The following PARD3B variants were observed in gnomAD, a reference collection of about 807,000 sequenced individuals.
The protein encoded by PARD3B is partitioning defective 3 homolog B.
Under a neutral mutation model 130.2 loss-of-function variants are expected in PARD3B, and 103 were observed. That is an observed-to-expected ratio of 0.79 (90% CI 0.67 to 0.93). The LOEUF is 0.93. PARD3B is among the 40% of genes least tolerant of loss of function. The pLI is 0.00. For synonymous variants in PARD3B, 583 were observed against 553.2 expected, an observed-to-expected ratio of 1.05 and a Z score of -0.76; for missense variants, 1,609 against 1,499.2, an observed-to-expected ratio of 1.07 and a Z score of -1.21.
At chr2:204,804,502 AT>A (rs2042693206) in intron 2 of PARD3B, among the ~76,000 whole-genome samples, 2 of 152,194 alleles carry the variant, frequency 1.3e-5, no homozygotes, top group African/African-American at 4.8e-5. Context: ...TATAAAGCAA[AT>A]ATTACTGTAG....
chr2:205,538,497 A>G (rs533379954), intron 21 of PARD3B, among the ~76,000 whole-genome samples: 1 of 151,920 alleles, frequency 6.6e-6, no homozygotes, highest in Admixed American at 6.6e-5. Flanking sequence ...ACACACATGC[A>G]TATCATCCTT....
intron 18 of PARD3B, among the ~76,000 whole-genome samples, chr2:205,316,715 C>G (rs1033575085): frequency 1.3e-5 from 2 of 152,040 alleles, no homozygotes; most frequent in Admixed American, 1.3e-4. Context: ...CCTCTCTACT[C>G]CTGAAAAACC....
At position 205,508,923 on chromosome 2, in the gene PARD3B, G is replaced by GA. The variant is rs1008044416; in HGVS notation, c.3180+8900dup. On this transcript the variant is annotated intron_variant, in intron 21 of 22. Transcript: ENST00000406610. ...ATTTCAGCAAGTAGTAAAACAAAAA[G>GA]AAAAAAAATTGAGAAAAGAAGAGGA... 9.4e-5 allele frequency among the ~76,000 whole-genome samples: 14 copies of GA among 148,382 alleles called. No homozygotes were observed. The East Asian group carries it at 2.1e-3, about 23-fold the overall frequency.
intron 22 of PARD3B, among the ~76,000 whole-genome samples, chr2:205,574,400 GC>G (rs2053667673): frequency 6.6e-6 from 1 of 152,150 alleles, no homozygotes; most frequent in Admixed American, 6.5e-5. Flanking sequence ...CATGAACTAT[GC>G]CATCTATGCT....
At chr2:205,443,061 T>C (rs2047779382) in intron 20 of PARD3B, among the ~76,000 whole-genome samples, 1 of 152,246 alleles carries the variant, frequency 6.6e-6, no homozygotes, top group African/African-American at 2.4e-5. Flanking sequence ...CTGCTCCTTG[T>C]TCTTCAAGTC....
intron 20 of PARD3B, among the ~76,000 whole-genome samples, chr2:205,481,062 G>A (rs1575126194): frequency 6.6e-6 from 1 of 152,290 alleles, no homozygotes; most frequent in East Asian, 1.9e-4. Flanking sequence ...CAAGGAGGTG[G>A]AGAGGGAAAC....
chr2:205,424,148 C>T (rs1287418906), intron 19 of PARD3B, among the ~76,000 whole-genome samples: 2 of 152,056 alleles, frequency 1.3e-5, no homozygotes, highest in South Asian at 2.1e-4. Flanking sequence ...AAGCCTTCTG[C>T]GTGAGTTGGA....
chr2:205,517,338 T>G (rs1165391432), intron 21 of PARD3B, among the ~76,000 whole-genome samples: 2 of 152,102 alleles, frequency 1.3e-5, no homozygotes, highest in Non-Finnish European at 2.9e-5. Context: ...TCTACCCATC[T>G]CTTCTAGGTT....
chr2:204,611,462 G>A (rs1252431508), intron 1 of PARD3B, among the ~76,000 whole-genome samples: 3 of 152,128 alleles, frequency 2.0e-5, no homozygotes, highest in East Asian at 3.9e-4. Context: ...CTGTCACTTT[G>A]GTTAAAATGT....
intron 22 of PARD3B, among the ~76,000 whole-genome samples, chr2:205,607,834 A>ACC (rs761960140): frequency 0.12 from 8,415 of 70,792 alleles, 393 homozygotes; most frequent in African/African-American, 0.18. Flanking sequence ...ACACCCATAC[A>ACC]CACACACACA....
chr2:204,585,609 G>T (rs983306999), intron 1 of PARD3B, among the ~76,000 whole-genome samples: 2 of 151,566 alleles, frequency 1.3e-5, no homozygotes, highest in African/African-American at 4.9e-5. Context: ...CTCCCAAAGT[G>T]CTGGGATTAC....
intron 2 of PARD3B, among the ~76,000 whole-genome samples, chr2:204,765,206 G>C (rs2041090716): frequency 6.6e-6 from 1 of 152,164 alleles, no homozygotes. Flanking sequence ...TCAAAGTGTG[G>C]TTGCCAGACC....
intron 3 of PARD3B, among the ~76,000 whole-genome samples, chr2:204,999,422 C>A (rs535099359): frequency 6.6e-6 from 1 of 152,240 alleles, no homozygotes; most frequent in East Asian, 1.9e-4. Context: ...ATTCATGAAA[C>A]CTTTTTCTAT....
At chr2:205,297,877 G>A (rs952503759) in intron 16 of PARD3B, among the ~76,000 whole-genome samples, 1 of 152,050 alleles carries the variant, frequency 6.6e-6, no homozygotes, top group Non-Finnish European at 1.5e-5. Flanking sequence ...CTTCTACTTT[G>A]TGACTTCTAT....
rs1703160122 is a variant in PARD3B at position 205,105,774 on chromosome 2, T to C, written c.593+1260T>C. Among the ~76,000 whole-genome samples the C allele has an allele frequency of 6.6e-6, 1 of 150,410 alleles. No individual in the cohort carries two copies. The highest frequency in any genetic ancestry group is 2.4e-5 in the African/African-American group (1 of 40,864). ...AACATAGGGAGACCCTCTCTCTCTC[T>C]GAAGAAAAAAAAAAGGCGGGGGGAT... On this transcript the variant is annotated intron_variant, in intron 5 of 22. Transcript: ENST00000406610. This position sits in a 1 kb window ranked among gnomAD's most constrained non-coding sequence, Gnocchi z 4.0.
chr2:204,796,325 A>G (rs2042374981), intron 2 of PARD3B, among the ~76,000 whole-genome samples: 1 of 152,224 alleles, frequency 6.6e-6, no homozygotes, highest in Non-Finnish European at 1.5e-5. Flanking sequence ...AGATGGGAAG[A>G]TATATTATCT....
In PARD3B at chr2:205,341,750, G is replaced by T. The variant is rs116633697; in HGVS notation, c.2630+40049G>T. 6.6e-6 allele frequency among the ~76,000 whole-genome samples: 1 copy of T among 152,050 alleles called. No homozygotes were observed. Among genetic ancestry groups the T allele is most frequent in the Admixed American group, 6.6e-5 (1 of 15,242 alleles). ...TTGAATGTTCCCAACACGAAGAAATGATGCATGTTTGAAATGATGGATATG... is the reference window on the plus strand; with the variant it reads ...TTGAATGTTCCCAACACGAAGAAATTATGCATGTTTGAAATGATGGATATG... On this transcript the variant is annotated intron_variant, in intron 18 of 22. Coordinates refer to ENST00000406610, the MANE Select transcript of PARD3B (RefSeq NM_001302769.2). This position sits in a 1 kb window ranked among gnomAD's most constrained non-coding sequence, Gnocchi z 4.3.
rs969694216 is a variant in PARD3B, at chr2:204,830,733, T to A, written c.223-134419T>A. 2.0e-5 allele frequency among the ~76,000 whole-genome samples: 3 copies of A among 152,218 alleles called. No individual in the cohort carries two copies. The East Asian group carries it at 5.8e-4, about 29-fold the overall frequency. ...GACGTGGGAATGAGACCAGTTCCTA[T>A]GATAACAGCTGTCCAGCTTGGAGGA... On this transcript the variant is annotated intron_variant, in intron 2 of 22. Coordinates refer to ENST00000406610, the MANE Select transcript of PARD3B (RefSeq NM_001302769.2).
At chr2:205,375,456 A>G (rs975155065) in intron 18 of PARD3B, among the ~76,000 whole-genome samples, 4 of 152,174 alleles carry the variant, frequency 2.6e-5, no homozygotes, top group Admixed American at 6.5e-5. Context: ...TTCAGAGGCA[A>G]TAGGGAGCCG....
Sources: gnomAD v4.1 joint callset for allele counts (sites outside exome capture counted in the v4.1 genomes callset) on GRCh38, gnomAD v4.1.1 for gene constraint, Gnocchi (gnomAD v3.1) non-coding constraint, MANE v1.5 for transcripts, NCBI Gene and HGNC (gene_info 2026-07-23, HGNC 2026-07-21) for gene names.